Variants in FGGY observed in about 807,000 individuals in gnomAD.
FGGY encodes FGGY carbohydrate kinase domain-containing protein.
FGGY carries 72 observed loss-of-function variants against 71.3 expected under a neutral mutation model. The ratio of observed to expected loss-of-function variants is 1.01; its 90% CI spans 0.84 to 1.23. FGGY has a LOEUF of 1.23. Among genes scored for constraint, FGGY ranks in the 50% most tolerant of loss-of-function variants. The pLI is 0.00. For synonymous variants in FGGY, 251 were observed against 250.3 expected (o/e 1.00, Z -0.02); for missense variants, 668 against 682.3 (o/e 0.98, Z 0.23).
At chr1:59,418,340 C>T (rs916497770) in intron 5 of FGGY, among the ~76,000 whole-genome samples, 18 of 152,120 alleles carry the variant, frequency 1.2e-4, no homozygotes, top group African/African-American at 3.4e-4. Flanking sequence ...AGATTTCAAT[C>T]GATTTAGAGA....
chr1:59,537,705 T>C (rs1362657564), intron 7 of FGGY, among the ~76,000 whole-genome samples: 1 of 151,864 alleles, frequency 6.6e-6, no homozygotes, highest in African/African-American at 2.4e-5. Context: ...TATCTACAAC[T>C]ATCTGATCTT....
At chr1:59,513,951 C>A (rs1417864761) in intron 7 of FGGY, among the ~76,000 whole-genome samples, 6 of 152,170 alleles carry the variant, frequency 3.9e-5, no homozygotes, top group Non-Finnish European at 8.8e-5. Context: ...TAAAACAGTG[C>A]CTAAGAATTA....
chr1:59,557,254 G>A (rs1210472860), intron 8 of FGGY, among the ~76,000 whole-genome samples: 2 of 152,076 alleles, frequency 1.3e-5, no homozygotes, highest in Non-Finnish European at 2.9e-5. Context: ...GGTGATGCGG[G>A]CTTTTCAAAA....
rs1315325647 is a variant in FGGY, at chr1:59,653,852, C to T, written c.1222-6367C>T. Among the ~76,000 whole-genome samples the T allele has an allele frequency of 2.6e-5, 4 of 152,350 alleles. No homozygotes were observed. The South Asian group carries it at 6.2e-4, about 24-fold the overall frequency. On this transcript the variant is annotated intron_variant, in intron 11 of 15. Transcript: ENST00000303721. ...CTTTGAACCACTCCGATTTCTATTT[C>T]TGCTTCATCTCTCCTGTCTTCCTCT...
intron 14 of FGGY, chr1:59,733,277 T>C (rs1411002942): frequency 1.3e-5 from 2 of 153,938 alleles, no homozygotes; most frequent in Non-Finnish European, 2.9e-5. Flanking sequence ...GGCTCATGTC[T>C]TCTGGCCTGA....
intron 14 of FGGY, among the ~76,000 whole-genome samples, chr1:59,706,543 A>G (rs1373452921): frequency 6.6e-6 from 1 of 152,230 alleles, no homozygotes; most frequent in Non-Finnish European, 1.5e-5. Flanking sequence ...CTCCAAGCTC[A>G]GCTCTCTAAT....
At chr1:59,508,770 A>G (rs554216942) in intron 6 of FGGY, among the ~76,000 whole-genome samples, 1 of 152,248 alleles carries the variant, frequency 6.6e-6, no homozygotes, top group South Asian at 2.1e-4. Flanking sequence ...GTCCTTGTAT[A>G]TATTTATTTT....
chr1:59,598,529 C>T (rs1036565769), intron 8 of FGGY, among the ~76,000 whole-genome samples: 2 of 152,184 alleles, frequency 1.3e-5, no homozygotes, highest in African/African-American at 4.8e-5. Flanking sequence ...AATTTGAGGA[C>T]TGTTTGGTAG....
intron 4 of FGGY, among the ~76,000 whole-genome samples, chr1:59,361,590 A>G (rs888396198): frequency 1.3e-5 from 2 of 152,208 alleles, no homozygotes; most frequent in East Asian, 3.8e-4. Context: ...AAGTTCCTTT[A>G]AGTCCCTTTT....
intron 9 of FGGY, among the ~76,000 whole-genome samples, 156 bp downstream of exon 9, chr1:59,608,066 A>T (rs758165432): frequency 2.6e-5 from 4 of 152,222 alleles, no homozygotes; most frequent in Non-Finnish European, 4.4e-5. Flanking sequence ...TGTCATACAC[A>T]TGCAGCATAT....
chr1:59,465,772 A>C (rs1385685058), intron 6 of FGGY, among the ~76,000 whole-genome samples: 1 of 152,224 alleles, frequency 6.6e-6, no homozygotes, highest in African/African-American at 2.4e-5. Context: ...CAAAGAGAAT[A>C]AAATACCTAG....
At chr1:59,749,662 A>T (rs2101651918) in intron 14 of FGGY, among the ~76,000 whole-genome samples, 1 of 152,286 alleles carries the variant, frequency 6.6e-6, no homozygotes, top group Non-Finnish European at 1.5e-5. Flanking sequence ...CCCTGGCCAC[A>T]TGGAGCTTGC....
chr1:59,595,706 A>T lies in FGGY; in HGVS notation c.904-12097A>T, dbSNP rs183467526. Among the ~76,000 whole-genome samples, 6 of 152,248 alleles carry T rather than the reference A, an allele frequency of 3.9e-5. No homozygotes were observed. In the East Asian group the frequency reaches 5.8e-4, roughly 15 times the overall value. ...CTCCATCTCAAAAAAATAATAATAA[A>T]AAATAAATAAAAACCACAATCTCTA... On this transcript the variant is annotated intron_variant, in intron 8 of 15. Transcript: ENST00000303721.
intron 6 of FGGY, among the ~76,000 whole-genome samples, chr1:59,497,788 C>A (rs1219858022): frequency 6.6e-6 from 1 of 152,196 alleles, no homozygotes; most frequent in East Asian, 1.9e-4. Context: ...TTGGCTCACC[C>A]TTCCTGGAAG....
chr1:59,739,023 A>T (rs913724733), intron 14 of FGGY, among the ~76,000 whole-genome samples: 2 of 152,216 alleles, frequency 1.3e-5, no homozygotes, highest in African/African-American at 4.8e-5. Flanking sequence ...TACTGCCTTG[A>T]AGGGAGACCA....
intron 14 of FGGY, among the ~76,000 whole-genome samples, chr1:59,683,024 A>T (rs1208513420): frequency 6.6e-6 from 1 of 152,196 alleles, no homozygotes; most frequent in Non-Finnish European, 1.5e-5. Context: ...GAATAGCACT[A>T]AACTAGATTC....
intron 11 of FGGY, chr1:59,641,498 AATT>A (rs1572500648): frequency 4.7e-6 from 3 of 642,770 alleles, no homozygotes; most frequent in Non-Finnish European, 8.1e-6. Flanking sequence ...TAGGGGAGGT[AATT>A]ATTGTACATG....
chr1:59,756,177 C>T (rs1299295624), intron 14 of FGGY: 2 of 152,142 alleles, frequency 1.3e-5, no homozygotes, highest in African/African-American at 4.8e-5. Context: ...TTTAGTCTTC[C>T]TCTTTCTCCA....
intron 13 of FGGY, among the ~76,000 whole-genome samples, chr1:59,669,536 A>G (rs1327656555): frequency 2.2e-5 from 3 of 135,588 alleles, no homozygotes; most frequent in African/African-American, 5.5e-5. Flanking sequence ...CAATTTCTAG[A>G]CTTCTTTTTT....
Sources: allele counts gnomAD v4.1 joint callset (sites outside exome capture counted in the v4.1 genomes callset), GRCh38; gene constraint gnomAD v4.1.1; transcripts MANE v1.5; gene names NCBI Gene and HGNC (gene_info 2026-07-23, HGNC 2026-07-21).